Variants in UBE2E2 observed in about 807,000 individuals in gnomAD.
The protein encoded by UBE2E2 is ubiquitin-conjugating enzyme E2 E2.
In UBE2E2, 6 loss-of-function variants were observed where a neutral mutation model predicts 24.7. That is an observed-to-expected ratio of 0.24 (90% CI 0.13 to 0.48). The LOEUF (loss-of-function observed/expected upper bound fraction) is 0.48. Among genes scored for constraint, UBE2E2 ranks in the 20% least tolerant of loss-of-function variants. The pLI is 0.99. For synonymous variants in UBE2E2, 104 were observed against 83.6 expected (o/e 1.24, Z -1.33); for missense variants, 169 against 245.0 (o/e 0.69, Z 2.07).
intron 4 of UBE2E2, among the ~76,000 whole-genome samples, chr3:23,530,163 T>G (rs1271298794): frequency 6.6e-6 from 1 of 152,224 alleles, no homozygotes; most frequent in African/African-American, 2.4e-5. Context: ...ATGTAAAGCT[T>G]CTTTTGTGGC....
At chr3:23,329,649 A>G (rs551161439) in intron 3 of UBE2E2, among the ~76,000 whole-genome samples, 2 of 152,374 alleles carry the variant, frequency 1.3e-5, no homozygotes, top group South Asian at 2.1e-4. Context: ...CACCATTGGC[A>G]CACACACTGG....
Position 23,407,541 on chromosome 3 carries a change from T to A in UBE2E2, c.228-92067T>A, listed in dbSNP as rs936252772. ...CCCTCTTCTTTCACTACCGTCAACA[T>A]TTGCTACATCCTTTATCTCCTCTGC... On this transcript the variant is annotated intron_variant, in intron 3 of 5. Transcript: ENST00000396703. This position sits in a 1 kb window ranked among gnomAD's most constrained non-coding sequence, Gnocchi z 4.0. Among the ~76,000 whole-genome samples the A allele has an allele frequency of 6.6e-6, 1 of 151,856 alleles. No individual in the cohort carries two copies. The highest frequency in any genetic ancestry group is 1.9e-4 in the East Asian group (1 of 5,188).
intron 4 of UBE2E2, among the ~76,000 whole-genome samples, chr3:23,523,981 C>T (rs1694929833): frequency 6.6e-6 from 1 of 151,630 alleles, no homozygotes; most frequent in South Asian, 2.1e-4. Flanking sequence ...GGGGGTTCTC[C>T]GTGGAAAAGT....
chr3:23,256,993 T>C (rs1237260287), intron 3 of UBE2E2, among the ~76,000 whole-genome samples: 3 of 152,254 alleles, frequency 2.0e-5, no homozygotes, highest in Non-Finnish European at 4.4e-5. Context: ...TTAGGTCGTG[T>C]GAACCACGAA....
intron 4 of UBE2E2, among the ~76,000 whole-genome samples, chr3:23,508,841 T>C (rs73821843): frequency 5.3e-5 from 8 of 152,334 alleles, no homozygotes; most frequent in Admixed American, 3.3e-4. Context: ...GGAGAAGTTA[T>C]GTGAACAGGG....
At position 23,471,452 on chromosome 3, in the gene UBE2E2, T is replaced by G. The variant is rs147578604; in HGVS notation, c.228-28156T>G. ...CAGTAAATGTGTGGAAGGAAGCAAA[T>G]GTAAGGAAACAAGGTGGTTGATGGG... On this transcript the variant is annotated intron_variant, in intron 3 of 5. Coordinates refer to ENST00000396703, the MANE Select transcript of UBE2E2 (RefSeq NM_152653.4). Among the ~76,000 whole-genome samples the G allele has an allele frequency of 9.9e-5, 15 of 152,100 alleles. No individual in the cohort carries two copies. In the East Asian group the frequency reaches 2.9e-3, roughly 29 times the overall value.
intron 5 of UBE2E2, among the ~76,000 whole-genome samples, chr3:23,544,202 T>C (rs1695462881): frequency 6.6e-6 from 1 of 151,952 alleles, no homozygotes; most frequent in Non-Finnish European, 1.5e-5. Flanking sequence ...AAAACAAAAA[T>C]AAATGGGACC....
chr3:23,207,018 A>T (rs966173880), intron 1 of UBE2E2, among the ~76,000 whole-genome samples: 1 of 152,186 alleles, frequency 6.6e-6, no homozygotes, highest in African/African-American at 2.4e-5. Flanking sequence ...AATGGTACTT[A>T]TTAAGTATAG....
At chr3:23,321,325 G>A (rs1292187692) in intron 3 of UBE2E2, among the ~76,000 whole-genome samples, 2 of 151,970 alleles carry the variant, frequency 1.3e-5, no homozygotes, top group Non-Finnish European at 2.9e-5. Flanking sequence ...TGTGCCACTT[G>A]GATCTACCCT....
chr3:23,260,896 G>C (rs952850853), intron 3 of UBE2E2, among the ~76,000 whole-genome samples: 7 of 152,104 alleles, frequency 4.6e-5, no homozygotes, highest in Non-Finnish European at 8.8e-5. Flanking sequence ...ACTTGCCAAG[G>C]AGTTTGAGAT....
intron 3 of UBE2E2, among the ~76,000 whole-genome samples, chr3:23,287,901 G>A (rs940429255): frequency 2.0e-5 from 3 of 150,148 alleles, no homozygotes; most frequent in African/African-American, 7.3e-5. Context: ...TGTTGCTCTC[G>A]TATTTTCTTT....
At chr3:23,496,163 T>A (rs1198585762) in intron 3 of UBE2E2, among the ~76,000 whole-genome samples, 1 of 152,228 alleles carries the variant, frequency 6.6e-6, no homozygotes, top group Non-Finnish European at 1.5e-5. Flanking sequence ...TAGGATCTTT[T>A]TTTTATTTAT....
At position 23,590,956 on chromosome 3, in the gene UBE2E2, C is replaced by CT. The variant is rs1696746880; in HGVS notation, c.*1128dup. ...AATTGTTACAGTGATTGCCCTCAAGCTTTGTATTGTTCATTTTTGTTGTTG... is the reference window on the plus strand; with the variant it reads ...AATTGTTACAGTGATTGCCCTCAAGCTTTTGTATTGTTCATTTTTGTTGTTG... On this transcript the variant is annotated 3_prime_UTR_variant, in exon 6 of 6. Transcript: ENST00000396703. The CT allele has an allele frequency of 1.3e-5, 2 of 152,140 alleles. No individual in the cohort carries two copies. Among genetic ancestry groups the CT allele is most frequent in the Non-Finnish European group, 2.9e-5 (2 of 68,040 alleles). The allele number at this position is 152,140 out of a possible 1,614,324, so 9.4% of individuals were successfully genotyped here. A position where few individuals can be genotyped will look rare whatever the true frequency, so the allele number is the denominator to read the frequency against.
intron 5 of UBE2E2, among the ~76,000 whole-genome samples, chr3:23,578,402 A>G (rs1696395697): frequency 1.3e-5 from 2 of 152,246 alleles, no homozygotes; most frequent in African/African-American, 2.4e-5. Context: ...CAGAAATACC[A>G]TTTGACCTAC....
At chr3:23,267,505 G>A (rs1278557852) in intron 3 of UBE2E2, among the ~76,000 whole-genome samples, 9 of 151,866 alleles carry the variant, frequency 5.9e-5, no homozygotes, top group Non-Finnish European at 1.0e-4. Context: ...ACTAAACCAG[G>A]AAGAAGTTGA....
At chr3:23,324,182 TC>T (rs1559347714) in intron 3 of UBE2E2, among the ~76,000 whole-genome samples, 1 of 152,150 alleles carries the variant, frequency 6.6e-6, no homozygotes, top group East Asian at 1.9e-4. Context: ...TTATTCCTGT[TC>T]CACTGCATCA....
At chr3:23,385,085 C>G (rs1394470002) in intron 3 of UBE2E2, among the ~76,000 whole-genome samples, 1 of 152,176 alleles carries the variant, frequency 6.6e-6, no homozygotes, top group Admixed American at 6.6e-5. Flanking sequence ...CGCACACTAC[C>G]ACACCTGGCC....
At chr3:23,230,846 A>G (rs888791197) in intron 3 of UBE2E2, among the ~76,000 whole-genome samples, 3 of 151,844 alleles carry the variant, frequency 2.0e-5, no homozygotes, top group African/African-American at 7.3e-5. Flanking sequence ...GTGAAGGGTC[A>G]TGACAGCAGT....
intron 3 of UBE2E2, among the ~76,000 whole-genome samples, chr3:23,458,519 A>G (rs778477): frequency 0.51 from 77,604 of 151,560 alleles, 20,320 homozygotes; most frequent in East Asian, 0.75. Flanking sequence ...CCGGGTTCAC[A>G]CCATGCTCCT....
Sources: gnomAD v4.1 joint callset for allele counts (sites outside exome capture counted in the v4.1 genomes callset) on GRCh38, gnomAD v4.1.1 for gene constraint, Gnocchi (gnomAD v3.1) non-coding constraint, MANE v1.5 for transcripts, NCBI Gene and HGNC (gene_info 2026-07-23, HGNC 2026-07-21) for gene names.